The following GRIK4 variants were observed in gnomAD, a reference collection of about 807,000 sequenced individuals.
GRIK4 encodes the protein glutamate ionotropic receptor kainate type subunit 4.
A neutral mutation model predicts 104.9 loss-of-function variants in GRIK4; 40 were observed. The ratio of observed to expected loss-of-function variants is 0.38; its 90% CI spans 0.30 to 0.50. GRIK4 has a LOEUF of 0.50. GRIK4 is among the 20% of genes least tolerant of loss of function. GRIK4 has a pLI of 0.93. For missense variants in GRIK4, 1,047 were observed against 1,308.1 expected (o/e 0.80, Z 3.08); for synonymous variants, 485 against 524.9 (o/e 0.92, Z 1.04).
intron 8 of GRIK4, among the ~76,000 whole-genome samples, chr11:120,847,142 A>G (rs529072668): frequency 8.8e-4 from 134 of 152,336 alleles, no homozygotes; most frequent in South Asian, 2.7e-3. Flanking sequence ...ATCTAACTAA[A>G]TCTCATCCTT....
chr11:120,511,837 C>G lies in GRIK4; in HGVS notation c.-209C>G. The G allele has an allele frequency of 5.7e-6, 2 of 352,828 alleles. No homozygotes were observed. The highest frequency in any genetic ancestry group is 3.2e-5 in the Admixed American group (1 of 31,410). 21.9% of individuals were successfully genotyped at this position (352,828 alleles called of 1,614,324 possible). ...CGGCCAACAGCAGCCCCGCGGCCGG[C>G]CCGGCAGCGCCCGGCCCCCGGCTCA... On this transcript the variant is annotated 5_prime_UTR_variant, in exon 1 of 21. Coordinates refer to ENST00000527524, the MANE Select transcript of GRIK4 (RefSeq NM_014619.5).
In GRIK4 at chr11:120,716,972, G is replaced by A. The variant is rs74963631; in HGVS notation, c.82+56572G>A. Among the ~76,000 whole-genome samples the A allele has an allele frequency of 7.9e-3, 1,200 of 152,292 alleles. 14 individuals carry two copies. The highest frequency in any genetic ancestry group is 0.028 in the African/African-American group (1,150 of 41,562). ...AATTTAGCTCAGATGGTTAGAGAGG[G>A]CGTGCTTAGGGACTAGGATCCAAAT... On this transcript the variant is annotated intron_variant, in intron 3 of 20. Coordinates refer to ENST00000527524, the MANE Select transcript of GRIK4 (RefSeq NM_014619.5).
In GRIK4 at chr11:120,966,668, G is replaced by A. The variant is rs1944389238; in HGVS notation, c.2267-527G>A. Among the ~76,000 whole-genome samples the A allele has an allele frequency of 2.6e-5, 4 of 152,170 alleles. No individual in the cohort carries two copies. The South Asian group carries it at 8.3e-4, about 32-fold the overall frequency. ...ATTACAGGCGTGAGCCACCGTGCCTGGCTGTGAGAAATTAATTTAAATAAA... is the reference window on the plus strand; with the variant it reads ...ATTACAGGCGTGAGCCACCGTGCCTAGCTGTGAGAAATTAATTTAAATAAA... On this transcript the variant is annotated intron_variant, in intron 18 of 20. Coordinates refer to ENST00000527524, the MANE Select transcript of GRIK4 (RefSeq NM_014619.5).
At chr11:120,804,219 AACCTTTGACCAC>A (rs1198881677) in intron 4 of GRIK4, among the ~76,000 whole-genome samples, 3 of 152,204 alleles carry the variant, frequency 2.0e-5, no homozygotes, top group Admixed American at 1.3e-4. Context: ...AACCCGTTTC[AACCTTTGACCAC>A]ACTCAGTGGC....
intron 9 of GRIK4, among the ~76,000 whole-genome samples, chr11:120,865,873 G>A (rs369611256): frequency 3.2e-4 from 48 of 152,054 alleles, no homozygotes; most frequent in Admixed American, 2.0e-4. Context: ...GCATGGTGCC[G>A]GTATCTGTTT....
At chr11:120,677,461 ATG>A (rs1287171276) in intron 3 of GRIK4, among the ~76,000 whole-genome samples, 1 of 152,180 alleles carries the variant, frequency 6.6e-6, no homozygotes, top group Non-Finnish European at 1.5e-5. Context: ...TGTGTGAAGA[ATG>A]AGAACACTTA....
At position 120,962,622 on chromosome 11, in the gene GRIK4, A is replaced by T; in HGVS notation, c.2207A>T (p.Asn736Ile). ...GAGTACTATCGGCAGCGAAACTGCA[A>T]CCTCACTCAGATTGGGGGCCTGCTG... ...MNEYYRQRNC[N>I]LTQIGGLLDT... The change falls in exon 18 of 21, where the codon AAC becomes ATC. Residue 736 changes from asparagine to isoleucine, a missense_variant. Asn to Ile is a moderately radical substitution (Grantham distance 149). Transcript: ENST00000527524. 1 of 1,614,096 alleles carries T rather than the reference A, an allele frequency of 6.2e-7. No homozygotes were observed. Among genetic ancestry groups the T allele is most frequent in the Non-Finnish European group, 8.5e-7 (1 of 1,180,024 alleles).
At chr11:120,958,134 C>T (rs1944207221) in intron 16 of GRIK4, among the ~76,000 whole-genome samples, 1 of 152,232 alleles carries the variant, frequency 6.6e-6, no homozygotes, top group South Asian at 2.1e-4. Flanking sequence ...TGTCGATCTC[C>T]TTCTCCCTGG....
intron 3 of GRIK4, among the ~76,000 whole-genome samples, chr11:120,726,060 A>G (rs773809207): frequency 1.6e-4 from 24 of 152,236 alleles, no homozygotes; most frequent in Non-Finnish European, 3.1e-4. Flanking sequence ...GCAGTGTTAC[A>G]AAAACCTAGC....
intron 1 of GRIK4, among the ~76,000 whole-genome samples, chr11:120,582,066 C>T (rs889690168): frequency 6.6e-6 from 1 of 152,020 alleles, no homozygotes; most frequent in African/African-American, 2.4e-5. Flanking sequence ...CTCAGCCTCC[C>T]AAAGTGCTGG....
intron 1 of GRIK4, among the ~76,000 whole-genome samples, chr11:120,535,688 C>T (rs1442127528): frequency 6.6e-6 from 1 of 152,222 alleles, no homozygotes; most frequent in East Asian, 1.9e-4. Flanking sequence ...ATGCATGAAA[C>T]ACTTACTACC....
At chr11:120,756,240 G>A (rs1411585432) in intron 3 of GRIK4, among the ~76,000 whole-genome samples, 1 of 152,196 alleles carries the variant, frequency 6.6e-6, no homozygotes, top group East Asian at 1.9e-4. Flanking sequence ...AGACATGTGT[G>A]TGCCCACGCT....
chr11:120,694,235 A>G (rs1002885158), intron 3 of GRIK4, among the ~76,000 whole-genome samples: 22 of 152,198 alleles, frequency 1.4e-4, no homozygotes, highest in African/African-American at 5.3e-4. Context: ...TTGAAGGAAG[A>G]GTGCAGTAGG....
intron 5 of GRIK4, 57 bp downstream of exon 5, chr11:120,815,532 C>T (rs1334601124): frequency 5.8e-6 from 6 of 1,039,906 alleles, no homozygotes; most frequent in Admixed American, 2.6e-5. Flanking sequence ...GCCCAGGGTC[C>T]AAAGATAGGG....
chr11:120,726,101 A>G, intron 3 of GRIK4, among the ~76,000 whole-genome samples: 1 of 152,236 alleles, frequency 6.6e-6, no homozygotes, highest in East Asian at 1.9e-4. Flanking sequence ...GGGAACTGCA[A>G]GGACAAGTGC....
At chr11:120,597,017 G>A (rs1387266223) in intron 1 of GRIK4, among the ~76,000 whole-genome samples, 2 of 152,150 alleles carry the variant, frequency 1.3e-5, no homozygotes, top group Non-Finnish European at 2.9e-5. Flanking sequence ...GAGCCACCGC[G>A]CCTGGCTGAG....
At chr11:120,786,043 C>T (rs935198891) in intron 3 of GRIK4, among the ~76,000 whole-genome samples, 3 of 152,182 alleles carry the variant, frequency 2.0e-5, no homozygotes, top group Non-Finnish European at 2.9e-5. Context: ...CATTCTTTCC[C>T]GATCCAAGTC....
At chr11:120,924,382 C>G (rs191033981) in intron 13 of GRIK4, among the ~76,000 whole-genome samples, 1 of 152,030 alleles carries the variant, frequency 6.6e-6, no homozygotes, top group East Asian at 1.9e-4. Flanking sequence ...GTGGCAGGCT[C>G]AACAGTGGCC....
chr11:120,649,862 T>C (rs1231491936), intron 1 of GRIK4, among the ~76,000 whole-genome samples: 1 of 152,224 alleles, frequency 6.6e-6, no homozygotes, highest in Admixed American at 6.5e-5. Flanking sequence ...TCCTGCTCAT[T>C]TGATTCCTCT....
Sources: allele counts gnomAD v4.1 joint callset (sites outside exome capture counted in the v4.1 genomes callset), GRCh38; gene constraint gnomAD v4.1.1; transcripts MANE v1.5; gene names NCBI Gene and HGNC (gene_info 2026-07-23, HGNC 2026-07-21).